SMIM10L3: variants seen among roughly 807,000 people sequenced by gnomAD.
SMIM10L3 encodes salivary gland specific protein SAGSIN1.
chr7:6,348,642 G>A, the SMIM10L3 span: 1 of 509,674 alleles, frequency 2.0e-6, no homozygotes, highest in Non-Finnish European at 3.6e-6. Flanking sequence ...GCAGCCGCCA[G>A]GCCAGGTCGA....
At chr7:6,334,810 C>T in the SMIM10L3 span, among the ~76,000 whole-genome samples, 1 of 150,854 alleles carries the variant, frequency 6.6e-6, no homozygotes, top group Admixed American at 6.6e-5. Flanking sequence ...CACTCGTTAC[C>T]CAGGCTGGAG....
the SMIM10L3 span, among the ~76,000 whole-genome samples, chr7:6,334,003 C>T: frequency 7.3e-5 from 11 of 151,352 alleles, no homozygotes; most frequent in East Asian, 4.0e-4. Context: ...CCCGCCACCA[C>T]GCCCGGCTAA....
At chr7:6,342,272 C>G in the SMIM10L3 span, among the ~76,000 whole-genome samples, 2 of 151,512 alleles carry the variant, frequency 1.3e-5, no homozygotes, top group Non-Finnish European at 2.9e-5. Flanking sequence ...AGGCTGGGTG[C>G]GGTGGCTCAC....
chr7:6,346,830 T>G, the SMIM10L3 span, among the ~76,000 whole-genome samples: 3 of 152,212 alleles, frequency 2.0e-5, no homozygotes, highest in South Asian at 2.1e-4. Context: ...GGACGGCACC[T>G]GCAGTGTGGT....
the SMIM10L3 span, among the ~76,000 whole-genome samples, chr7:6,344,608 G>C: frequency 2.0e-5 from 3 of 152,012 alleles, no homozygotes; most frequent in Non-Finnish European, 4.4e-5. Flanking sequence ...TTGTAGAGAC[G>C]GAGTTTCGCC....
chr7:6,337,199 G>C, the SMIM10L3 span, among the ~76,000 whole-genome samples: 4 of 152,096 alleles, frequency 2.6e-5, 1 homozygote, highest in South Asian at 2.1e-4. Flanking sequence ...AGCCTCCCAA[G>C]TAGCTGAGAC....
the SMIM10L3 span, among the ~76,000 whole-genome samples, chr7:6,335,074 A>AT: frequency 6.8e-6 from 1 of 148,116 alleles, no homozygotes; most frequent in African/African-American, 2.5e-5. Context: ...GCCAGTGGTT[A>AT]TTTTTTGAGA....
At chr7:6,345,396 T>A in the SMIM10L3 span, among the ~76,000 whole-genome samples, 1 of 152,098 alleles carries the variant, frequency 6.6e-6, no homozygotes, top group Admixed American at 6.6e-5. Context: ...ATTATAGGCA[T>A]GAGCCACCAC....
At chr7:6,337,760 C>G in the SMIM10L3 span, among the ~76,000 whole-genome samples, 1 of 151,446 alleles carries the variant, frequency 6.6e-6, no homozygotes, top group African/African-American at 2.4e-5. Flanking sequence ...CAGTAATAAA[C>G]TATTTAATTC....
the SMIM10L3 span, among the ~76,000 whole-genome samples, chr7:6,337,566 T>C: frequency 6.6e-6 from 1 of 151,642 alleles, no homozygotes; most frequent in Non-Finnish European, 1.5e-5. Flanking sequence ...TGTGTTAAAG[T>C]ACTTTAAATA....
At chr7:6,346,813 T>C in the SMIM10L3 span, among the ~76,000 whole-genome samples, 1 of 152,150 alleles carries the variant, frequency 6.6e-6, no homozygotes, top group South Asian at 2.1e-4. Flanking sequence ...AAACCGACGT[T>C]AGAAAGGGAC....
the SMIM10L3 span, among the ~76,000 whole-genome samples, chr7:6,342,632 AT>A: frequency 6.6e-6 from 1 of 152,192 alleles, no homozygotes; most frequent in East Asian, 1.9e-4. Context: ...ATAAAAACCG[AT>A]GTCCACACAA....
the SMIM10L3 span, among the ~76,000 whole-genome samples, chr7:6,340,909 A>AG: frequency 6.8e-6 from 1 of 147,976 alleles, no homozygotes; most frequent in African/African-American, 2.5e-5. Flanking sequence ...AAAAAAAAAA[A>AG]AAAAAAAATT....
chr7:6,339,107 G>C, the SMIM10L3 span, among the ~76,000 whole-genome samples: 1 of 152,178 alleles, frequency 6.6e-6, no homozygotes, highest in East Asian at 1.9e-4. Context: ...AAATTAGGCT[G>C]AATCATGATC....
the SMIM10L3 span, chr7:6,330,995 C>T: frequency 6.2e-7 from 1 of 1,614,224 alleles, no homozygotes; most frequent in Admixed American, 1.7e-5. Flanking sequence ...TGTGAATTTC[C>T]ATCAACCACA....
the SMIM10L3 span, chr7:6,348,601 G>A: frequency 4.4e-6 from 2 of 456,238 alleles, no homozygotes; most frequent in Non-Finnish European, 7.8e-6. Flanking sequence ...CATCATGGAA[G>A]CCACGATGTA....
At chr7:6,331,320 A>C in the SMIM10L3 span, 1 of 672,678 alleles carries the variant, frequency 1.5e-6, no homozygotes, top group Non-Finnish European at 2.5e-6. Flanking sequence ...TTTCCTAACA[A>C]ACACTGAGAT....
At chr7:6,336,570 A>G in the SMIM10L3 span, among the ~76,000 whole-genome samples, 3 of 151,622 alleles carry the variant, frequency 2.0e-5, no homozygotes, top group Middle Eastern at 3.2e-3. Flanking sequence ...AATCCCAGCT[A>G]TTAGTCAGGA....
chr7:6,330,257 C>T, the SMIM10L3 span: 5 of 985,970 alleles, frequency 5.1e-6, no homozygotes, highest in East Asian at 2.5e-5. Flanking sequence ...TCTGCCAGGT[C>T]GTACAAAACT....
Sources: allele counts gnomAD v4.1 joint callset (sites outside exome capture counted in the v4.1 genomes callset), GRCh38; gene constraint gnomAD v4.1.1; transcripts MANE v1.5; gene names NCBI Gene and HGNC (gene_info 2026-07-23, HGNC 2026-07-21).